The following GPR55 variants were observed in gnomAD, a reference collection of about 807,000 sequenced individuals.
The protein encoded by GPR55 is G protein-coupled receptor 55.
GPR55 carries 6 observed loss-of-function variants against 7.9 expected under a neutral mutation model. That is an observed-to-expected ratio of 0.76 (90% CI 0.41 to 1.49). The LOEUF (loss-of-function observed/expected upper bound fraction) is 1.49. GPR55 is among the 40% of genes most tolerant of loss of function. GPR55 has a pLI of 0.01. For synonymous variants in GPR55, 183 were observed against 166.8 expected, an observed-to-expected ratio of 1.10 and a Z score of -0.75; for missense variants, 376 against 406.0, an observed-to-expected ratio of 0.93 and a Z score of 0.63.
chr2:230,937,990 T>C (rs1222152884), intron 1 of GPR55, among the ~76,000 whole-genome samples: 1 of 151,568 alleles, frequency 6.6e-6, no homozygotes, highest in Admixed American at 6.6e-5. Flanking sequence ...TCCTCATCTC[T>C]ACCAAAAAAA....
rs1404484480 is a variant in GPR55, at chr2:230,924,940, A to G, written c.-135+228T>C. On this transcript the variant is annotated intron_variant, in intron 1 of 1. Transcript: ENST00000650999. The surrounding 1 kb of genome is among the most constrained non-coding windows in gnomAD (Gnocchi z 4.5). ...GGTTCGTAGAAAAATGTCACTCGTAATCGGGGACAAACCAGGTCTGCCTGC... is the reference window on the plus strand; with the variant it reads ...GGTTCGTAGAAAAATGTCACTCGTAGTCGGGGACAAACCAGGTCTGCCTGC... 2.0e-5 allele frequency among the ~76,000 whole-genome samples: 3 copies of G among 152,198 alleles called. No individual in the cohort carries two copies. The highest frequency in any genetic ancestry group is 7.2e-5 in the African/African-American group (3 of 41,532).
intron 1 of GPR55, among the ~76,000 whole-genome samples, chr2:230,953,161 G>C (rs1224346250): frequency 6.6e-6 from 1 of 152,202 alleles, no homozygotes; most frequent in East Asian, 1.9e-4. Flanking sequence ...GGTGGTGGTT[G>C]TGTGGATCCT....
chr2:230,947,488 G>T (rs950080785), intron 1 of GPR55, among the ~76,000 whole-genome samples: 1 of 151,496 alleles, frequency 6.6e-6, no homozygotes, highest in Non-Finnish European at 1.5e-5. Flanking sequence ...AGTGTCTGTT[G>T]GTCAACTTTA....
chr2:230,918,287 G>A (rs1690760098), intron 1 of GPR55, among the ~76,000 whole-genome samples: 2 of 152,162 alleles, frequency 1.3e-5, no homozygotes, highest in Non-Finnish European at 2.9e-5. Flanking sequence ...TTAGAGAGGA[G>A]AGCAAAAATA....
rs138238445 is a variant in GPR55, at chr2:230,910,128, C to T, written c.835G>A (p.Val279Ile). Residue 279 changes from valine (V) to isoleucine (I), a missense_variant, in exon 2 of 2, where the codon GTC (valine) becomes ATC (isoleucine). Coordinates refer to ENST00000650999, the MANE Select transcript of GPR55 (RefSeq NM_005683.4). This position sits in a 1 kb window ranked among gnomAD's most constrained non-coding sequence, Gnocchi z 5.4. ...CAGAAAACATCCAGGCAGCAGTTGA[C>T]GTTGGAGAAACACATGGACAATTGC... Reference protein sequence around the residue: ...FLQLSMCFSNVNCCLDVFCYY... With the variant: ...FLQLSMCFSNINCCLDVFCYY... 676 of 1,614,204 alleles carry T rather than the reference C, an allele frequency of 4.2e-4. No individual in the cohort carries two copies. The highest frequency in any genetic ancestry group is 1.1e-3 in the Admixed American group (64 of 60,028).
upstream of GPR55, among the ~76,000 whole-genome samples, chr2:230,927,025 C>A (rs1021856954): frequency 6.6e-6 from 1 of 152,156 alleles, no homozygotes; most frequent in Non-Finnish European, 1.5e-5. Flanking sequence ...AATATTTCTA[C>A]TTTATTGCTG....
At chr2:230,926,315 G>T (rs1481864008), upstream of GPR55, among the ~76,000 whole-genome samples, 1 of 152,238 alleles carries the variant, frequency 6.6e-6, no homozygotes, top group Non-Finnish European at 1.5e-5. Flanking sequence ...GCGATGGGCA[G>T]TGCCAAGTCC....
chr2:230,926,443 G>C (rs1052545411), upstream of GPR55, among the ~76,000 whole-genome samples: 7 of 152,206 alleles, frequency 4.6e-5, no homozygotes, highest in Non-Finnish European at 8.8e-5. Flanking sequence ...TAAGCCAAAG[G>C]CTGGCTACTG....
At chr2:230,932,770 A>T (rs1259900928) in intron 1 of GPR55, among the ~76,000 whole-genome samples, 2 of 152,078 alleles carry the variant, frequency 1.3e-5, no homozygotes, top group African/African-American at 2.4e-5. Flanking sequence ...TTCCTGTGAC[A>T]AGGCACACCC....
At chr2:230,914,637 T>C (rs1402241292) in intron 1 of GPR55, among the ~76,000 whole-genome samples, 2 of 139,760 alleles carry the variant, frequency 1.4e-5, no homozygotes, top group African/African-American at 5.3e-5. Flanking sequence ...TAAAAACCAG[T>C]CTACTTGTGG....
At chr2:230,946,859 G>A (rs1046751559) in intron 1 of GPR55, among the ~76,000 whole-genome samples, 2 of 152,218 alleles carry the variant, frequency 1.3e-5, no homozygotes, top group African/African-American at 4.8e-5. Context: ...AGCTGTGGCT[G>A]GGGGTGCTCA....
chr2:230,931,753 C>T (rs530848136), intron 1 of GPR55, among the ~76,000 whole-genome samples: 11 of 152,252 alleles, frequency 7.2e-5, no homozygotes, highest in Admixed American at 6.5e-4. Flanking sequence ...CCCATGAGAG[C>T]ATGCGGGGCC....
intron 1 of GPR55, among the ~76,000 whole-genome samples, chr2:230,939,253 C>T (rs1408697733): frequency 1.3e-5 from 2 of 152,210 alleles, no homozygotes; most frequent in African/African-American, 4.8e-5. Context: ...CCATTGATCT[C>T]CTTACTGGGG....
At chr2:230,919,368 C>T (rs891692439) in intron 1 of GPR55, among the ~76,000 whole-genome samples, 14 of 152,126 alleles carry the variant, frequency 9.2e-5, no homozygotes, top group African/African-American at 3.4e-4. Context: ...CTCGAAGAAA[C>T]AAAACACAAT....
intron 1 of GPR55, chr2:230,960,659 G>T (rs1355375980): frequency 6.6e-6 from 1 of 152,138 alleles, no homozygotes; most frequent in Non-Finnish European, 1.5e-5. Flanking sequence ...AAGGAAAAAA[G>T]CGAACAAACT....
rs940860564 is a variant in GPR55, at chr2:230,907,584, G to C, written c.*2419C>G. ...TCCACAGTGTTTTGGGATGGGTCAG[G>C]GGTCCCCAGGGCACACCCACAGGTC... is the stretch of plus-strand genomic sequence containing the variant. On this transcript the variant is annotated 3_prime_UTR_variant, in exon 2 of 2. Transcript: ENST00000650999. The C allele has an allele frequency of 2.0e-5, 3 of 152,322 alleles. No individual in the cohort carries two copies. The highest frequency in any genetic ancestry group is 7.2e-5 in the African/African-American group (3 of 41,508). 9.4% of individuals were successfully genotyped at this position (152,322 alleles called of 1,614,324 possible). A position where few individuals can be genotyped will look rare whatever the true frequency, so the allele number is the denominator to read the frequency against.
intron 1 of GPR55, chr2:230,957,797 T>A: frequency 1.8e-6 from 1 of 560,190 alleles, no homozygotes; most frequent in South Asian, 1.4e-5. Context: ...GGATTTATCT[T>A]GGTGACTTTG....
intron 1 of GPR55, among the ~76,000 whole-genome samples, chr2:230,931,993 C>T (rs1208720072): frequency 6.6e-6 from 1 of 152,146 alleles, no homozygotes. Flanking sequence ...CCCGTCGAGG[C>T]CACTCCACAC....
At chr2:230,941,119 G>GA (rs147860493) in intron 1 of GPR55, among the ~76,000 whole-genome samples, 7,208 of 147,612 alleles carry the variant, frequency 0.049, 219 homozygotes, top group East Asian at 0.13. Context: ...TCCATCTCCA[G>GA]AAAAAAAAAA....
Sources: gnomAD v4.1 joint callset for allele counts (sites outside exome capture counted in the v4.1 genomes callset) on GRCh38, gnomAD v4.1.1 for gene constraint, Gnocchi (gnomAD v3.1) non-coding constraint, MANE v1.5 for transcripts, NCBI Gene and HGNC (gene_info 2026-07-23, HGNC 2026-07-21) for gene names.